Variants in GCSH observed in about 807,000 individuals in gnomAD.
GCSH encodes the protein glycine cleavage system H protein, mitochondrial.
GCSH carries 15 observed loss-of-function variants against 21.3 expected under a neutral mutation model. The ratio of observed to expected loss-of-function variants is 0.70; its 90% CI spans 0.47 to 1.08. The LOEUF is 1.08. GCSH is among the 50% of genes least tolerant of loss of function. The pLI is 0.00. For missense variants in GCSH, 179 were observed against 217.5 expected (o/e 0.82, Z 1.11); for synonymous variants, 59 against 84.5 (o/e 0.70, Z 1.66).
intron 3 of GCSH, among the ~76,000 whole-genome samples, chr16:81,086,707 A>G (rs1972287967): frequency 1.5e-5 from 2 of 137,586 alleles, no homozygotes; most frequent in South Asian, 4.8e-4. Context: ...GAAAGAAATC[A>G]TGACTAAAAT....
intron 1 of GCSH, among the ~76,000 whole-genome samples, chr16:81,092,850 G>A (rs1454933638): frequency 6.6e-6 from 1 of 151,756 alleles, no homozygotes; most frequent in East Asian, 1.9e-4. Context: ...TCATGTTGCA[G>A]GCCGGGCACA....
chr16:81,090,902 T>C (rs1972385521), intron 1 of GCSH: 2 of 608,384 alleles, frequency 3.3e-6, no homozygotes, highest in Non-Finnish European at 5.9e-6. Flanking sequence ...CTGAACACCT[T>C]GTGCATCTTT....
In GCSH at chr16:81,092,935, C is replaced by A. The variant is rs190352693; in HGVS notation, c.149-2255G>T. Among the ~76,000 whole-genome samples the A allele has an allele frequency of 2.6e-3, 395 of 152,086 alleles. 4 individuals are homozygous for A. The highest frequency in any genetic ancestry group is 9.2e-3 in the African/African-American group (382 of 41,488). On this transcript the variant is annotated intron_variant, in intron 1 of 4. Coordinates refer to ENST00000315467, the MANE Select transcript of GCSH (RefSeq NM_004483.5). The stretch of plus-strand genomic sequence containing the variant: ...TCACCTGACGTAAGGAGGTCAAGAC[C>A]AGCCTGGCCAGCATGGTGAAACCAA...
chr16:81,085,260 G>A (rs1972250123), intron 3 of GCSH, among the ~76,000 whole-genome samples: 2 of 152,018 alleles, frequency 1.3e-5, no homozygotes, highest in African/African-American at 4.8e-5. Flanking sequence ...TGATCAACCC[G>A]CCTCAGCCTC....
intron 2 of GCSH, 70 bp downstream of exon 2, chr16:81,090,531 T>A: frequency 9.2e-7 from 1 of 1,085,326 alleles, no homozygotes; most frequent in Non-Finnish European, 1.4e-6. Context: ...CTAAACACTT[T>A]TAAAAAGGTA....
chr16:81,083,167 T>A (rs1434633258), intron 4 of GCSH: 1 of 492,088 alleles, frequency 2.0e-6, no homozygotes, highest in East Asian at 3.3e-5. Context: ...CTAGAATAGA[T>A]TCCACCATAA....
At chr16:81,090,860 C>T (rs1359941377) in intron 1 of GCSH, 180 bp from the exon 2 acceptor site, 1 of 661,784 alleles carries the variant, frequency 1.5e-6, no homozygotes, top group Non-Finnish European at 2.7e-6. Flanking sequence ...CGCATTTAAA[C>T]AGCAGTACCA....
chr16:81,085,595 G>A (rs1205604706), intron 3 of GCSH, among the ~76,000 whole-genome samples: 3 of 152,204 alleles, frequency 2.0e-5, no homozygotes, highest in African/African-American at 4.8e-5. Context: ...TGGGCCAGGC[G>A]TGGTGGCTCA....
rs1169730149 is a variant in GCSH at position 81,096,263 on chromosome 16, C to G, written c.16G>C (p.Val6Leu). Residue 6 changes from valine (V) to leucine (L), a missense_variant, in exon 1 of 5, where the codon GTG becomes CTG. Coordinates refer to ENST00000315467, the MANE Select transcript of GCSH (RefSeq NM_004483.5). ...CAGAGCAGGGCCCGCACGCTCCGCA[C>G]CACTCGCAGCGCCATGTTCGCAGGG... MALRV[V>L]RSVRALLCTL... 1.5e-6 allele frequency: 2 copies of G among 1,364,520 alleles called. No individual in the cohort carries two copies. The highest frequency in any genetic ancestry group is 1.9e-6 in the Non-Finnish European group (2 of 1,064,832). The allele number at this position is 1,364,520 out of a possible 1,614,324, so 84.5% of individuals were successfully genotyped here.
intron 1 of GCSH, among the ~76,000 whole-genome samples, chr16:81,092,804 T>C (rs906357325): frequency 1.3e-5 from 2 of 151,610 alleles, no homozygotes; most frequent in African/African-American, 4.9e-5. Flanking sequence ...CTCAACACTT[T>C]GGGAGAAAAA....
At chr16:81,091,517 A>C (rs1267565216) in intron 1 of GCSH, among the ~76,000 whole-genome samples, 1 of 152,196 alleles carries the variant, frequency 6.6e-6, no homozygotes, top group African/African-American at 2.4e-5. Flanking sequence ...TTAGGATATA[A>C]AGTTAAAAGT....
intron 1 of GCSH, among the ~76,000 whole-genome samples, chr16:81,092,733 A>C (rs1972421417): frequency 6.6e-6 from 1 of 151,578 alleles, no homozygotes; most frequent in Non-Finnish European, 1.5e-5. Context: ...ACAGAGCAAG[A>C]CTCAGTCTCA....
Position 81,082,909 on chromosome 16 carries a change from C to T in GCSH, c.479G>A (p.Ser160Asn). ...SNPSELDELM[S>N]EEAYEKYIKS... Reference sequence around the variant, plus strand: ...TATGTATTTCTCATATGCTTCTTCACTCATAAGTTCATCTAGTTCTGAAGG... The same window carrying T: ...TATGTATTTCTCATATGCTTCTTCATTCATAAGTTCATCTAGTTCTGAAGG... The change falls in exon 5 of 5, where the codon AGT becomes AAT. Residue 160 changes from serine (S) to asparagine (N), a missense_variant. Physicochemically the swap from Ser to Asn is conservative, Grantham distance 46. Coordinates refer to ENST00000315467, the MANE Select transcript of GCSH (RefSeq NM_004483.5). 3 of 1,540,410 alleles carry T rather than the reference C, an allele frequency of 1.9e-6. No homozygotes were observed. Among genetic ancestry groups the T allele is most frequent in the Non-Finnish European group, 2.7e-6 (3 of 1,113,270 alleles).
At chr16:81,088,086 T>G (rs8177902) in intron 2 of GCSH, among the ~76,000 whole-genome samples, 1,767 of 152,022 alleles carry the variant, frequency 0.012, 37 homozygotes, top group African/African-American at 0.04. Context: ...AGATTGCACC[T>G]GTATACTCCA....
At position 81,088,152 on chromosome 16, in the gene GCSH, G is replaced by A. The variant is rs8177900; in HGVS notation, c.229-488C>T. ...AGAATAAAAATAAATGGCTGGGTGC[G>A]GTGGCTCATGCCTGTAATCCCAGCT... On this transcript the variant is annotated intron_variant, in intron 2 of 4. Coordinates refer to ENST00000315467, the MANE Select transcript of GCSH (RefSeq NM_004483.5). Among the ~76,000 whole-genome samples, 1,159 of 152,194 alleles carry A rather than the reference G, an allele frequency of 7.6e-3. 10 individuals carry two copies. The highest frequency in any genetic ancestry group is 0.026 in the African/African-American group (1,098 of 41,526).
At chr16:81,087,459 C>G in intron 3 of GCSH, 142 bp downstream of exon 3, 1 of 701,080 alleles carries the variant, frequency 1.4e-6, no homozygotes, top group Non-Finnish European at 2.5e-6. Flanking sequence ...GATGGTGCCA[C>G]TGCACTCCAG....
At chr16:81,094,491 C>A (rs1219171455) in intron 1 of GCSH, among the ~76,000 whole-genome samples, 2 of 148,990 alleles carry the variant, frequency 1.3e-5, no homozygotes, top group African/African-American at 2.5e-5. Flanking sequence ...GGCGACAGAG[C>A]GAGACTCCAT....
At chr16:81,091,197 A>T (rs1052222169) in intron 1 of GCSH, 1 of 411,082 alleles carries the variant, frequency 2.4e-6, no homozygotes, top group Non-Finnish European at 4.7e-6. Context: ...TACAAAGTAA[A>T]ATTTTACAGG....
intron 1 of GCSH, 89 bp downstream of exon 1, chr16:81,096,042 G>A (rs2151775780): frequency 3.6e-6 from 4 of 1,105,676 alleles, no homozygotes; most frequent in Non-Finnish European, 4.6e-6. Context: ...CTCAGGAGCG[G>A]TGCCCCGGCG....
Sources: gnomAD v4.1 joint callset for allele counts (sites outside exome capture counted in the v4.1 genomes callset) on GRCh38, gnomAD v4.1.1 for gene constraint, MANE v1.5 for transcripts, NCBI Gene and HGNC (gene_info 2026-07-23, HGNC 2026-07-21) for gene names.